Variants in FAM120A observed in about 807,000 individuals in gnomAD.
FAM120A encodes family with sequence similarity 120 member A, also known as constitutive coactivator of PPAR-gamma-like protein 1.
Under a neutral mutation model 109.7 loss-of-function variants are expected in FAM120A, and 15 were observed. The observed-to-expected ratio is 0.14, with a 90% CI of 0.09 to 0.21. The LOEUF is 0.21. FAM120A is among the 10% of genes least tolerant of loss of function. FAM120A has a pLI of 1.00. For missense variants in FAM120A, 899 were observed against 1,439.3 expected (o/e 0.62, Z 6.07); for synonymous variants, 493 against 572.8 (o/e 0.86, Z 1.99).
At chr9:93,489,836 G>A (rs1288968572) in intron 3 of FAM120A, among the ~76,000 whole-genome samples, 1 of 152,170 alleles carries the variant, frequency 6.6e-6, no homozygotes, top group Non-Finnish European at 1.5e-5. Flanking sequence ...GGCCTGCAGG[G>A]TGCATTTGGT....
chr9:93,474,901 C>T (rs1858482073), intron 2 of FAM120A, among the ~76,000 whole-genome samples: 1 of 152,204 alleles, frequency 6.6e-6, no homozygotes, highest in African/African-American at 2.4e-5. Context: ...CCAGACACTT[C>T]ATTCTTCACC....
chr9:93,543,455 C>T lies in FAM120A; in HGVS notation c.2143C>T (p.Leu715Phe). ...PANVPTHLMV[L>F]CCVLRYMVQW... ...CAACGTGCCCACTCACCTCATGGTG[C>T]TCTGCTGCGTCTTACGGTGGGTGCC... The change falls in exon 11 of 18, where the codon CTC becomes TTC. Residue 715 changes from leucine (L) to phenylalanine (F), a missense_variant. Transcript: ENST00000277165. 2 of 1,614,140 alleles carry T rather than the reference C, an allele frequency of 1.2e-6. No homozygotes were observed. The highest frequency in any genetic ancestry group is 1.7e-6 in the Non-Finnish European group (2 of 1,179,998).
At chr9:93,477,200 C>T (rs910530091) in intron 3 of FAM120A, among the ~76,000 whole-genome samples, 1 of 152,124 alleles carries the variant, frequency 6.6e-6, no homozygotes, top group African/African-American at 2.4e-5. Flanking sequence ...CCTCCATAAA[C>T]AATTTTAATT....
At chr9:93,454,398 T>C (rs1857453159) in intron 1 of FAM120A, among the ~76,000 whole-genome samples, 1 of 152,074 alleles carries the variant, frequency 6.6e-6, no homozygotes, top group Admixed American at 6.5e-5. Flanking sequence ...TCAGGAAGTT[T>C]GGGTACAGTG....
chr9:93,497,641 G>C lies in FAM120A; in HGVS notation c.933+42G>C, dbSNP rs1859630072. On this transcript the variant is annotated intron_variant, in intron 4 of 17. Coordinates refer to ENST00000277165, the MANE Select transcript of FAM120A (RefSeq NM_014612.5). ...ACAAAACAAAAAAACAGATTCATGGGATATGACGTTGCATAGTGGTGTGGC... is the reference window on the plus strand; with the variant it reads ...ACAAAACAAAAAAACAGATTCATGGCATATGACGTTGCATAGTGGTGTGGC... 3.8e-6 allele frequency: 6 copies of C among 1,580,162 alleles called. 1 individual carries two copies. In the East Asian group the frequency reaches 1.4e-4, roughly 36 times the overall value.
At chr9:93,562,669 T>TC (rs1409051695) in intron 17 of FAM120A, among the ~76,000 whole-genome samples, 2 of 148,158 alleles carry the variant, frequency 1.3e-5, no homozygotes, top group African/African-American at 5.0e-5. Flanking sequence ...CTTTTTCTTT[T>TC]TTTTTTTTTT....
At chr9:93,527,373 T>TA in intron 8 of FAM120A, 131 bp downstream of exon 8, 1 of 688,616 alleles carries the variant, frequency 1.5e-6, no homozygotes, top group Non-Finnish European at 2.5e-6. Flanking sequence ...ACAAAGGGGA[T>TA]AAGCGGGAAA....
At chr9:93,476,956 GAT>G (rs1858575705) in intron 3 of FAM120A, among the ~76,000 whole-genome samples, 1 of 152,170 alleles carries the variant, frequency 6.6e-6, no homozygotes, top group African/African-American at 2.4e-5. Context: ...TAATGAGTGA[GAT>G]ATGCACGAGG....
chr9:93,524,767 A>G (rs901932368), intron 7 of FAM120A, among the ~76,000 whole-genome samples: 1 of 152,108 alleles, frequency 6.6e-6, no homozygotes, highest in African/African-American at 2.4e-5. Context: ...TCATTTTATC[A>G]TTAGAGATTT....
chr9:93,476,712 T>G (rs1035561186), intron 3 of FAM120A, among the ~76,000 whole-genome samples: 1 of 152,250 alleles, frequency 6.6e-6, no homozygotes, highest in Non-Finnish European at 1.5e-5. Context: ...CTTTGCATAG[T>G]TGATAAATTT....
chr9:93,541,084 T>G (rs77602926), intron 10 of FAM120A, among the ~76,000 whole-genome samples: 12 of 91,204 alleles, frequency 1.3e-4, no homozygotes, highest in South Asian at 3.8e-4. Flanking sequence ...TGGTGGGGGG[T>G]GTGTGTGGTG....
At position 93,516,261 on chromosome 9, in the gene FAM120A, G is replaced by A. The variant is rs1249372461; in HGVS notation, c.1410G>A (p.Gly470=). The A allele has an allele frequency of 8.7e-6, 14 of 1,610,506 alleles. No individual in the cohort carries two copies. The Admixed American group carries it at 2.0e-4, about 23-fold the overall frequency. The change falls in exon 7 of 18, where the codon GGG becomes GGA. Residue 470 remains glycine, a synonymous_variant. Transcript: ENST00000277165. The part of the protein sequence containing the change: ...SSSDNDEGSG[G]ATNHISGNKI... ...CCGACAACGACGAGGGCAGCGGAGG[G>A]GCGACAAAGTGAGTGGTGCGTGGGT... is the stretch of plus-strand genomic sequence containing the variant.
intron 7 of FAM120A, among the ~76,000 whole-genome samples, chr9:93,522,921 A>G (rs1860904410): frequency 3.3e-5 from 5 of 152,216 alleles, no homozygotes; most frequent in Admixed American, 3.3e-4. Context: ...TGTGAGCAGC[A>G]CTGAGACCTA....
intron 9 of FAM120A, chr9:93,530,943 A>G (rs957048824): frequency 3.9e-5 from 6 of 152,198 alleles, no homozygotes; most frequent in Admixed American, 6.5e-5. Flanking sequence ...GAGGGTTGCA[A>G]ATTGTACCGA....
intron 3 of FAM120A, among the ~76,000 whole-genome samples, chr9:93,485,967 T>C (rs774487048): frequency 2.6e-5 from 4 of 152,180 alleles, no homozygotes; most frequent in Non-Finnish European, 4.4e-5. Context: ...GTATCAGTAC[T>C]TTATTCCTTT....
At chr9:93,538,684 A>G (rs1159895334) in intron 10 of FAM120A, among the ~76,000 whole-genome samples, 1 of 152,236 alleles carries the variant, frequency 6.6e-6, no homozygotes, top group Admixed American at 6.5e-5. Flanking sequence ...GCTTAGAGAC[A>G]TACTTTATAA....
At chr9:93,552,923 A>C (rs1435479571) in intron 12 of FAM120A, among the ~76,000 whole-genome samples, 1 of 152,142 alleles carries the variant, frequency 6.6e-6, no homozygotes, top group African/African-American at 2.4e-5. Flanking sequence ...TCAGAGGAGG[A>C]AAAGAGGAAG....
intron 5 of FAM120A, among the ~76,000 whole-genome samples, chr9:93,501,980 C>T (rs545070211): frequency 2.0e-5 from 3 of 152,190 alleles, no homozygotes; most frequent in Admixed American, 2.0e-4. Context: ...AACATGGAGT[C>T]GGTGGGACCC....
chr9:93,480,400 T>A (rs1858748117), intron 3 of FAM120A, among the ~76,000 whole-genome samples: 1 of 152,196 alleles, frequency 6.6e-6, no homozygotes, highest in African/African-American at 2.4e-5. Context: ...GCCTGGAGGC[T>A]GGGCTGGAGT....
Sources: gnomAD v4.1 joint callset for allele counts (sites outside exome capture counted in the v4.1 genomes callset) on GRCh38, gnomAD v4.1.1 for gene constraint, MANE v1.5 for transcripts, NCBI Gene and HGNC (gene_info 2026-07-23, HGNC 2026-07-21) for gene names.